Variants in GPC3 observed in about 807,000 individuals in gnomAD.
GPC3 encodes glypican-3.
GPC3 carries 3 observed loss-of-function variants against 34.4 expected under a neutral mutation model. The ratio of observed to expected loss-of-function variants is 0.09; its 90% CI spans 0.04 to 0.23. GPC3 has a LOEUF of 0.23. GPC3 is among the 10% of genes least tolerant of loss of function. The probability of loss-of-function intolerance (pLI) is 1.00; values close to 1 mark genes in which losing one functional copy is unlikely to be tolerated. For synonymous variants in GPC3, 177 were observed against 174.0 expected, an observed-to-expected ratio of 1.02 and a Z score of -0.13; for missense variants, 351 against 445.6, an observed-to-expected ratio of 0.79 and a Z score of 1.91.
chrX:133,757,665 T>C (rs768326604), intron 2 of GPC3, among the ~76,000 whole-genome samples: 5 of 111,557 alleles, frequency 4.5e-5, no homozygotes, highest in Non-Finnish European at 7.5e-5. Context: ...GCAGTCCTTA[T>C]AGAAGCAGGT....
At chrX:133,747,685 C>T (rs1002018210) in intron 3 of GPC3, among the ~76,000 whole-genome samples, 7 of 111,536 alleles carry the variant, frequency 6.3e-5, no homozygotes, top group Admixed American at 1.9e-4. Context: ...GCCAAGTGAC[C>T]GCTGAGGGCA....
At chrX:133,980,657 C>T (rs952620536) in intron 1 of GPC3, among the ~76,000 whole-genome samples, 5 of 112,330 alleles carry the variant, frequency 4.5e-5, no homozygotes, top group Admixed American at 3.8e-4. Flanking sequence ...AATGATGTAT[C>T]GTGTGCACAA....
chrX:133,657,960 A>G (rs1224357579), intron 6 of GPC3, among the ~76,000 whole-genome samples: 1 of 110,028 alleles, frequency 9.1e-6, no homozygotes, highest in African/African-American at 3.4e-5. Context: ...GTATTTATAA[A>G]TATGTATGTT....
At chrX:133,855,791 T>C (rs1282186107) in intron 2 of GPC3, among the ~76,000 whole-genome samples, 2 of 110,774 alleles carry the variant, frequency 1.8e-5, no homozygotes, top group African/African-American at 6.6e-5. Flanking sequence ...ACTCCAATTC[T>C]GGTAACGACT....
intron 2 of GPC3, among the ~76,000 whole-genome samples, chrX:133,787,706 C>T (rs1024298013): frequency 7.2e-5 from 8 of 111,580 alleles, no homozygotes; most frequent in African/African-American, 1.6e-4. Flanking sequence ...GATCTAGCTT[C>T]TGGCCCCACC....
At chrX:133,915,727 C>T (rs751552391) in intron 2 of GPC3, among the ~76,000 whole-genome samples, 5 of 112,170 alleles carry the variant, frequency 4.5e-5, no homozygotes, top group Non-Finnish European at 9.4e-5. Flanking sequence ...ACATTATGTA[C>T]ATTCAATCAT....
intron 6 of GPC3, among the ~76,000 whole-genome samples, chrX:133,627,863 A>G (rs947558339): frequency 8.9e-6 from 1 of 112,217 alleles, no homozygotes; most frequent in African/African-American, 3.2e-5. Context: ...GCAGAGCCCT[A>G]TGGGCTAAGG....
At chrX:133,815,496 A>G (rs2075686863) in intron 2 of GPC3, among the ~76,000 whole-genome samples, 1 of 108,934 alleles carries the variant, frequency 9.2e-6, no homozygotes, top group African/African-American at 3.4e-5. Context: ...TTTTTGTTTG[A>G]AGCTGCAGAA....
intron 6 of GPC3, among the ~76,000 whole-genome samples, chrX:133,655,519 C>A (rs1325809586): frequency 1.6e-4 from 18 of 110,304 alleles, no homozygotes; most frequent in African/African-American, 5.3e-4. Context: ...CACACACACA[C>A]ACACACACAT....
intron 2 of GPC3, chrX:133,762,712 C>G: frequency 2.8e-6 from 1 of 355,972 alleles, no homozygotes; most frequent in Admixed American, 4.4e-5. Flanking sequence ...AGTCAAAAAA[C>G]AACAGCCTTT....
intron 2 of GPC3, among the ~76,000 whole-genome samples, chrX:133,815,781 C>T (rs909340735): frequency 2.7e-5 from 3 of 111,617 alleles, no homozygotes; most frequent in Admixed American, 1.9e-4. Flanking sequence ...GTTTGCATGA[C>T]GTTCTTGCCT....
At chrX:133,799,397 A>G (rs772328132) in intron 2 of GPC3, among the ~76,000 whole-genome samples, 1 of 111,127 alleles carries the variant, frequency 9.0e-6, no homozygotes, top group South Asian at 3.9e-4. Context: ...GTCTCAAAAA[A>G]AAGTCCTGAA....
intron 3 of GPC3, among the ~76,000 whole-genome samples, chrX:133,743,554 G>A (rs762601254): frequency 8.9e-6 from 1 of 112,030 alleles, no homozygotes; most frequent in African/African-American, 3.2e-5. Context: ...AACTACACTC[G>A]CCAAGAGGAA....
At chrX:133,982,366 A>G (rs761944402) in intron 1 of GPC3, among the ~76,000 whole-genome samples, 1 of 111,866 alleles carries the variant, frequency 8.9e-6, no homozygotes, top group African/African-American at 3.2e-5. Flanking sequence ...ACAAATCCTT[A>G]AAAAAATAAG....
chrX:133,541,433 AT>A (rs895890561), intron 7 of GPC3, among the ~76,000 whole-genome samples: 1 of 111,820 alleles, frequency 8.9e-6, no homozygotes, highest in Non-Finnish European at 1.9e-5. Context: ...GGTACATATT[AT>A]AAAATGCACA....
intron 1 of GPC3, among the ~76,000 whole-genome samples, chrX:133,968,201 G>A (rs1262741197): frequency 8.9e-6 from 1 of 112,480 alleles, no homozygotes; most frequent in Non-Finnish European, 1.9e-5. Context: ...TCAAGCCACT[G>A]GTCTTCCCAT....
intron 6 of GPC3, among the ~76,000 whole-genome samples, chrX:133,616,268 T>C (rs886983111): frequency 1.8e-5 from 2 of 112,089 alleles, no homozygotes; most frequent in Admixed American, 1.9e-4. Context: ...AATCAAGTAA[T>C]TCTATGTACA....
In GPC3 at chrX:133,743,372, C is replaced by T. The variant is rs1009198142; in HGVS notation, c.1032+10110G>A. On this transcript the variant is annotated intron_variant, in intron 3 of 7. Coordinates refer to ENST00000370818, the MANE Select transcript of GPC3 (RefSeq NM_004484.4). ...CATTAAAAAATGCTTCTGTGATATTCGAATATGTTTTCCATTTTTAAGGTA... is the reference window on the plus strand; with the variant it reads ...CATTAAAAAATGCTTCTGTGATATTTGAATATGTTTTCCATTTTTAAGGTA... 8.5e-4 allele frequency among the ~76,000 whole-genome samples: 96 copies of T among 112,678 alleles called. 2 individuals carry two copies. Among genetic ancestry groups the T allele is most frequent in the East Asian group, 2.8e-4 (1 of 3,588 alleles).
chrX:133,562,817 T>C (rs1018217712), intron 7 of GPC3, among the ~76,000 whole-genome samples: 1 of 109,755 alleles, frequency 9.1e-6, no homozygotes, highest in Non-Finnish European at 1.9e-5. Context: ...ATTATGGGAG[T>C]GTTAGGATCT....
Sources: gnomAD v4.1 joint callset for allele counts (sites outside exome capture counted in the v4.1 genomes callset) on GRCh38, gnomAD v4.1.1 for gene constraint, MANE v1.5 for transcripts, NCBI Gene and HGNC (gene_info 2026-07-23, HGNC 2026-07-21) for gene names.